ACTL8: variants seen among roughly 807,000 people sequenced by gnomAD.
ACTL8 encodes actin-like protein 8.
In ACTL8, 3 loss-of-function variants were observed where a neutral mutation model predicts 9.3. The ratio of observed to expected loss-of-function variants is 0.32; its 90% CI spans 0.15 to 0.83. The LOEUF (loss-of-function observed/expected upper bound fraction) is 0.83. Ranked by LOEUF, ACTL8 falls within the 40% of genes least tolerant of loss-of-function variation. ACTL8 has a pLI of 0.57. For synonymous variants in ACTL8, 224 were observed against 205.9 expected (o/e 1.09, Z -0.75); for missense variants, 381 against 492.2 (o/e 0.77, Z 2.14).
Position 17,826,584 on chromosome 1 carries a change from A to G in ACTL8, c.*65A>G. On this transcript the variant is annotated 3_prime_UTR_variant, in exon 3 of 3. Transcript: ENST00000375406. This position sits in a 1 kb window ranked among gnomAD's most constrained non-coding sequence, Gnocchi z 4.5. ...GGGCACGGGCGGATTAATTTTAGCA[A>G]AATGTTCTGGGTGGGGGTAGAATGA... The G allele has an allele frequency of 6.9e-7, 1 of 1,441,030 alleles. No individual in the cohort carries two copies. Among genetic ancestry groups the G allele is most frequent in the Non-Finnish European group, 9.2e-7 (1 of 1,087,678 alleles). The allele number at this position is 1,441,030 out of a possible 1,614,324, so 89.3% of individuals were successfully genotyped here.
intron 1 of ACTL8, among the ~76,000 whole-genome samples, chr1:17,794,996 A>G (rs1214721397): frequency 6.6e-6 from 1 of 152,188 alleles, no homozygotes. Flanking sequence ...TTTAAGATTG[A>G]TGCAGAAAAT....
chr1:17,824,159 C>CTGGGCCTTG (rs2053689505), intron 2 of ACTL8, among the ~76,000 whole-genome samples: 1 of 152,170 alleles, frequency 6.6e-6, no homozygotes, highest in Non-Finnish European at 1.5e-5. Context: ...TTGGAGGAGG[C>CTGGGCCTTG]TGGGCCTTGT....
chr1:17,782,493 C>T (rs566088198), intron 1 of ACTL8, among the ~76,000 whole-genome samples: 444 of 152,236 alleles, frequency 2.9e-3, no homozygotes, highest in Non-Finnish European at 5.2e-3. Context: ...GCATAGATCG[C>T]CACGGCGGCC....
chr1:17,769,316 G>A (rs1201446877), intron 1 of ACTL8, among the ~76,000 whole-genome samples: 2 of 152,118 alleles, frequency 1.3e-5, no homozygotes, highest in African/African-American at 4.8e-5. Context: ...CTTTCTCCTT[G>A]TCACTGCAGA....
chr1:17,818,836 T>C (rs763579379), intron 1 of ACTL8, among the ~76,000 whole-genome samples: 1 of 152,102 alleles, frequency 6.6e-6, no homozygotes, highest in Non-Finnish European at 1.5e-5. Flanking sequence ...ATGGATGTTC[T>C]TTCTTAGTAG....
intron 1 of ACTL8, among the ~76,000 whole-genome samples, chr1:17,759,874 A>G (rs1253026787): frequency 6.6e-6 from 1 of 152,100 alleles, no homozygotes; most frequent in African/African-American, 2.4e-5. Context: ...TCCTAAACCT[A>G]TATTCTTCAG....
At position 17,825,963 on chromosome 1, in the gene ACTL8, C is replaced by T. The variant is rs771963695; in HGVS notation, c.545C>T (p.Ala182Val). The T allele has an allele frequency of 8.1e-6, 13 of 1,610,344 alleles. No individual in the cohort carries two copies. The South Asian group carries it at 1.4e-4, about 18-fold the overall frequency. Residue 182 changes from alanine to valine, a missense_variant, in exon 3 of 3, where the codon GCC (alanine) becomes GTC (valine). Physicochemically the swap from Ala to Val is moderately conservative, Grantham distance 64 (BLOSUM62 0). This residue lies in a region of ACTL8 where 243 missense variants were observed against 276.2 expected (regional missense o/e 0.88). Transcript: ENST00000375406. ...GAGTTCGCCGGCCAGGATCTCTCCG[C>T]CTATCTCCTCAAGAGTCTCTTTAAG... ...TLEFAGQDLS[A>V]YLLKSLFKED...
intron 1 of ACTL8, among the ~76,000 whole-genome samples, chr1:17,792,050 C>G (rs1384492208): frequency 6.6e-6 from 1 of 152,160 alleles, no homozygotes; most frequent in Non-Finnish European, 1.5e-5. Context: ...GAGCCAGGGC[C>G]TCTTAACCCC....
chr1:17,759,780 C>T (rs972062266), intron 1 of ACTL8, among the ~76,000 whole-genome samples: 1 of 152,202 alleles, frequency 6.6e-6, no homozygotes, highest in African/African-American at 2.4e-5. Flanking sequence ...GCTTGATACT[C>T]TAGCTCAGCA....
intron 1 of ACTL8, among the ~76,000 whole-genome samples, chr1:17,761,285 A>C (rs2066000653): frequency 6.6e-6 from 1 of 151,748 alleles, no homozygotes; most frequent in Non-Finnish European, 1.5e-5. Flanking sequence ...TGGCATTTAG[A>C]AAGATCTTAG....
intron 1 of ACTL8, among the ~76,000 whole-genome samples, chr1:17,766,720 T>C (rs898846546): frequency 1.3e-5 from 2 of 152,144 alleles, no homozygotes; most frequent in Admixed American, 6.5e-5. Flanking sequence ...CATAATGTGA[T>C]GGAGCTGGGA....
At chr1:17,791,249 C>T (rs1240072661) in intron 1 of ACTL8, among the ~76,000 whole-genome samples, 1 of 152,188 alleles carries the variant, frequency 6.6e-6, no homozygotes, top group Non-Finnish European at 1.5e-5. Flanking sequence ...GCCAGCTCCA[C>T]GGAGTGTACA....
At chr1:17,758,161 A>T (rs887574197) in intron 1 of ACTL8, among the ~76,000 whole-genome samples, 2 of 152,170 alleles carry the variant, frequency 1.3e-5, no homozygotes, top group African/African-American at 4.8e-5. Flanking sequence ...CTCCATTGAG[A>T]TGGGCTCCCT....
chr1:17,782,800 G>A (rs1047629641), intron 1 of ACTL8, among the ~76,000 whole-genome samples: 6 of 152,170 alleles, frequency 3.9e-5, no homozygotes, highest in Admixed American at 1.3e-4. Context: ...ACTCTAAACC[G>A]TAAAGCACTT....
chr1:17,788,509 G>T (rs1362756081), intron 1 of ACTL8, among the ~76,000 whole-genome samples: 2 of 152,242 alleles, frequency 1.3e-5, no homozygotes, highest in Admixed American at 6.5e-5. Context: ...ATCACTGCCT[G>T]CCATGGACGG....
chr1:17,782,031 C>G (rs955594567), intron 1 of ACTL8, among the ~76,000 whole-genome samples: 2 of 152,174 alleles, frequency 1.3e-5, no homozygotes, highest in Non-Finnish European at 2.9e-5. Flanking sequence ...CTAGGTGTTA[C>G]AGGCATCTTT....
Position 17,826,390 on chromosome 1 carries a change from G to A in ACTL8, c.972G>A (p.Lys324=). 2 of 1,614,130 alleles carry A rather than the reference G, an allele frequency of 1.2e-6. No homozygotes were observed. Among genetic ancestry groups the A allele is most frequent in the Non-Finnish European group, 1.7e-6 (2 of 1,180,030 alleles). Residue 324 remains lysine, a synonymous_variant, in exon 3 of 3, where the codon AAG becomes AAA. Transcript: ENST00000375406. The surrounding 1 kb of genome is among the most constrained non-coding windows in gnomAD (Gnocchi z 4.5). ...ELMGDHVSST[K]ATVWEGSNRN... ...TGGGGGATCACGTCTCCTCCACCAA[G>A]GCCACAGTCTGGGAGGGTTCCAATA...
intron 1 of ACTL8, among the ~76,000 whole-genome samples, chr1:17,795,274 C>T (rs2066268627): frequency 6.6e-6 from 1 of 152,264 alleles, no homozygotes; most frequent in Admixed American, 6.5e-5. Context: ...CAGAAGACAG[C>T]CCCTCCCCAC....
chr1:17,769,885 A>G (rs1044677588), intron 1 of ACTL8, among the ~76,000 whole-genome samples: 20 of 152,342 alleles, frequency 1.3e-4, no homozygotes, highest in African/African-American at 4.8e-4. Flanking sequence ...AAATTTTTGA[A>G]AGATAGTATA....
Sources: allele counts gnomAD v4.1 joint callset (sites outside exome capture counted in the v4.1 genomes callset), GRCh38; gene constraint gnomAD v4.1.1; regional missense constraint gnomAD v4.1.1; non-coding constraint Gnocchi (gnomAD v3.1); transcripts MANE v1.5; gene names NCBI Gene and HGNC (gene_info 2026-07-23, HGNC 2026-07-21).